The following RAD54L2 variants were observed in gnomAD, a reference collection of about 807,000 sequenced individuals.
RAD54L2 encodes the protein RAD54 like 2, also known as helicase ARIP4.
In RAD54L2, 27 loss-of-function variants were observed where a neutral mutation model predicts 138.4. That is an observed-to-expected ratio of 0.20 (90% CI 0.14 to 0.27). The LOEUF is 0.27. Ranked by LOEUF, RAD54L2 falls within the 10% of genes least tolerant of loss-of-function variation. The pLI is 1.00. For synonymous variants in RAD54L2, 644 were observed against 723.2 expected, an observed-to-expected ratio of 0.89 and a Z score of 1.76; for missense variants, 1,396 against 1,890.2, an observed-to-expected ratio of 0.74 and a Z score of 4.85.
intron 2 of RAD54L2, among the ~76,000 whole-genome samples, chr3:51,582,607 T>G (rs544400252): frequency 4.0e-5 from 6 of 151,556 alleles, no homozygotes; most frequent in Admixed American, 1.3e-4. Flanking sequence ...TTTTTCCTGC[T>G]GGCCATGATT....
rs2089444082 is a variant in RAD54L2 at position 51,638,103 on chromosome 3, G to A, written c.1683-41G>A. 1.2e-6 allele frequency: 2 copies of A among 1,600,954 alleles called. No individual in the cohort carries two copies. Among genetic ancestry groups the A allele is most frequent in the South Asian group, 2.2e-5 (2 of 90,252 alleles). ...TTTTATCTTGTGCTGACCCCTCCTGGCCACACTACCTTGCCGTTTCTGTTC... is the reference window on the plus strand; with the variant it reads ...TTTTATCTTGTGCTGACCCCTCCTGACCACACTACCTTGCCGTTTCTGTTC... On this transcript the variant is annotated intron_variant, in intron 11 of 22. Coordinates refer to ENST00000684192, the MANE Select transcript of RAD54L2 (RefSeq NM_015106.4). The surrounding 1 kb of genome is among the most constrained non-coding windows in gnomAD (Gnocchi z 4.3).
chr3:51,557,064 G>A (rs565296894), intron 2 of RAD54L2, among the ~76,000 whole-genome samples: 33 of 151,954 alleles, frequency 2.2e-4, no homozygotes, highest in Non-Finnish European at 3.7e-4. Flanking sequence ...TGGCATACAC[G>A]TACAACTGTG....
chr3:51,587,641 C>T (rs191062720), intron 2 of RAD54L2, among the ~76,000 whole-genome samples: 19 of 152,166 alleles, frequency 1.2e-4, no homozygotes, highest in African/African-American at 3.9e-4. Context: ...CACACACACT[C>T]GTAATTCCTG....
chr3:51,614,766 GC>G (rs1216233677), intron 3 of RAD54L2, among the ~76,000 whole-genome samples: 3 of 152,006 alleles, frequency 2.0e-5, no homozygotes, highest in African/African-American at 7.2e-5. Flanking sequence ...TCCTCTCTTG[GC>G]CTTCCAAAGT....
chr3:51,644,628 G>T (rs913535962), intron 16 of RAD54L2, among the ~76,000 whole-genome samples: 15 of 152,218 alleles, frequency 9.9e-5, no homozygotes, highest in African/African-American at 3.4e-4. Flanking sequence ...CAGCTTGAAG[G>T]CTGTGCTGCC....
intron 2 of RAD54L2, among the ~76,000 whole-genome samples, chr3:51,568,550 T>TA (rs1699267664): frequency 6.6e-6 from 1 of 152,192 alleles, no homozygotes; most frequent in South Asian, 2.1e-4. Context: ...GTCAACTAGA[T>TA]AGTCTGAGAC....
chr3:51,550,369 C>T (rs1698805449), intron 2 of RAD54L2, among the ~76,000 whole-genome samples: 1 of 152,076 alleles, frequency 6.6e-6, no homozygotes, highest in South Asian at 2.1e-4. Flanking sequence ...GACCTTTTTT[C>T]CCTGGTTACA....
At chr3:51,590,278 A>C in intron 2 of RAD54L2, 89 bp from the exon 3 acceptor site, 1 of 988,136 alleles carries the variant, frequency 1.0e-6, no homozygotes, top group Non-Finnish European at 1.4e-6. Context: ...GGCATGAGCC[A>C]CTGTGCCCAG....
At chr3:51,634,310 A>T (rs926113172) in intron 9 of RAD54L2, among the ~76,000 whole-genome samples, 1 of 150,220 alleles carries the variant, frequency 6.7e-6, no homozygotes, top group Non-Finnish European at 1.5e-5. Context: ...TTTCCCATGC[A>T]TATCGTAGTA....
chr3:51,589,683 T>TATATATATACAC (rs1553680963), intron 2 of RAD54L2, among the ~76,000 whole-genome samples: 1 of 144,774 alleles, frequency 6.9e-6, no homozygotes, highest in Non-Finnish European at 1.5e-5. Context: ...TATATATATA[T>TATATATATACAC]ACACACACAC....
At position 51,567,610 on chromosome 3, in the gene RAD54L2, C is replaced by A. The variant is rs138437401; in HGVS notation, c.-54-22757C>A. 3.4e-3 allele frequency among the ~76,000 whole-genome samples: 510 copies of A among 152,198 alleles called. 2 individuals carry two copies. Among genetic ancestry groups the A allele is most frequent in the Non-Finnish European group, 3.3e-3 (223 of 68,004 alleles). On this transcript the variant is annotated intron_variant, in intron 2 of 22. Coordinates refer to ENST00000684192, the MANE Select transcript of RAD54L2 (RefSeq NM_015106.4). ...TAGTTATTGATCAAGATAGCAGCAGCACTAAAGGTGTTTGTAAAACGACAG... is the reference window on the plus strand; with the variant it reads ...TAGTTATTGATCAAGATAGCAGCAGAACTAAAGGTGTTTGTAAAACGACAG...
chr3:51,660,171 TG>T (rs1304303438), intron 22 of RAD54L2, 53 bp downstream of exon 22: 2 of 1,447,090 alleles, frequency 1.4e-6, no homozygotes, highest in Admixed American at 1.9e-5. Context: ...TTGTTTGCTT[TG>T]TTTTGGTTAG....
intron 3 of RAD54L2, among the ~76,000 whole-genome samples, chr3:51,609,859 A>G (rs1700289806): frequency 6.6e-6 from 1 of 151,622 alleles, no homozygotes; most frequent in Non-Finnish European, 1.5e-5. Flanking sequence ...TTCCTCTCCT[A>G]GTTTCTTCTT....
intron 2 of RAD54L2, among the ~76,000 whole-genome samples, chr3:51,583,896 G>C (rs1699660681): frequency 6.6e-6 from 1 of 150,458 alleles, no homozygotes; most frequent in Non-Finnish European, 1.5e-5. Flanking sequence ...GGTGGGCTCA[G>C]AGACTCCCTG....
intron 2 of RAD54L2, among the ~76,000 whole-genome samples, chr3:51,584,893 C>T (rs915620413): frequency 6.6e-6 from 1 of 151,770 alleles, no homozygotes; most frequent in Non-Finnish European, 1.5e-5. Context: ...GCAGCCTTAA[C>T]CTCCCGGGCT....
intron 3 of RAD54L2, among the ~76,000 whole-genome samples, chr3:51,612,546 A>G (rs1436086384): frequency 6.6e-6 from 1 of 152,238 alleles, no homozygotes; most frequent in African/African-American, 2.4e-5. Flanking sequence ...AGGTTTGGAT[A>G]TGTGAGATAA....
chr3:51,596,117 C>T (rs1211905554), intron 3 of RAD54L2, among the ~76,000 whole-genome samples: 9 of 94 alleles, frequency 0.096, no homozygotes, highest in Non-Finnish European at 0.19. Flanking sequence ...TTAGTAGAGA[C>T]GGGTTTCACC....
At chr3:51,659,098 GTTTTTTTTTTTTTTT>G (rs1014568687) in intron 21 of RAD54L2, among the ~76,000 whole-genome samples, 4 of 75,048 alleles carry the variant, frequency 5.3e-5, no homozygotes, top group African/African-American at 2.2e-4. Context: ...TCCGGCTCTT[GTTTTTTTTTTTTTTT>G]TTTTTTTTTT....
rs188698642 is a variant in RAD54L2, at chr3:51,571,749, A to G, written c.-54-18618A>G. ...ATGTACGCATGCACACGCACATGGC[A>G]TTTTCTAGTCTTTGACAGATGCCCC... On this transcript the variant is annotated intron_variant, in intron 2 of 22. Coordinates refer to ENST00000684192, the MANE Select transcript of RAD54L2 (RefSeq NM_015106.4). 2.9e-3 allele frequency among the ~76,000 whole-genome samples: 436 copies of G among 152,130 alleles called. 2 individuals carry two copies. The highest frequency in any genetic ancestry group is 4.6e-3 in the Non-Finnish European group (313 of 68,000).
Sources: gnomAD v4.1 joint callset for allele counts (sites outside exome capture counted in the v4.1 genomes callset) on GRCh38, gnomAD v4.1.1 for gene constraint, Gnocchi (gnomAD v3.1) non-coding constraint, MANE v1.5 for transcripts, NCBI Gene and HGNC (gene_info 2026-07-23, HGNC 2026-07-21) for gene names.